The following SUMF1 variants were observed in gnomAD, a reference collection of about 807,000 sequenced individuals.
SUMF1 encodes the protein formylglycine-generating enzyme.
SUMF1 carries 48 observed loss-of-function variants against 47.6 expected under a neutral mutation model. The observed-to-expected ratio is 1.01, with a 90% CI of 0.80 to 1.28. The LOEUF (loss-of-function observed/expected upper bound fraction) is 1.28. Among genes scored for constraint, SUMF1 ranks in the 50% most tolerant of loss-of-function variants. SUMF1 has a pLI of 0.00. For missense variants in SUMF1, 571 were observed against 485.4 expected (o/e 1.18, Z -1.66); for synonymous variants, 230 against 192.1 (o/e 1.20, Z -1.63).
At chr3:4,408,918 C>T (rs1471855292) in intron 7 of SUMF1, among the ~76,000 whole-genome samples, 5 of 151,618 alleles carry the variant, frequency 3.3e-5, no homozygotes, top group African/African-American at 7.3e-5. Context: ...GCTGAGATCA[C>T]GCCACTGCAC....
chr3:4,362,070 T>A lies in SUMF1; in HGVS notation c.*74A>T. The A allele has an allele frequency of 7.0e-7, 1 of 1,437,838 alleles. No homozygotes were observed. Among genetic ancestry groups the A allele is most frequent in the African/African-American group, 1.4e-5 (1 of 71,092 alleles). 89.1% of individuals were successfully genotyped at this position (1,437,838 alleles called of 1,614,324 possible). On this transcript the variant is annotated 3_prime_UTR_variant, in exon 9 of 9. Coordinates refer to ENST00000272902, the MANE Select transcript of SUMF1 (RefSeq NM_182760.4). ...GTGGGAATTCTTTGCATGGGATCGT[T>A]CAAAGTTCTGAGAAAAGCCCAATGT...
At chr3:4,095,429 G>C (rs1395335594) in intron 8 of SUMF1, among the ~76,000 whole-genome samples, 2 of 152,018 alleles carry the variant, frequency 1.3e-5, no homozygotes, top group African/African-American at 2.4e-5. Context: ...GAATGAGATT[G>C]ATGATAGAAT....
intron 8 of SUMF1, among the ~76,000 whole-genome samples, chr3:4,287,549 C>T (rs1008874042): frequency 5.3e-5 from 8 of 152,102 alleles, no homozygotes; most frequent in Non-Finnish European, 1.2e-4. Flanking sequence ...CTGGTATTTG[C>T]TTAGTATTAC....
intron 8 of SUMF1, among the ~76,000 whole-genome samples, chr3:4,214,609 A>T (rs1352024595): frequency 6.6e-6 from 1 of 152,202 alleles, no homozygotes; most frequent in African/African-American, 2.4e-5. Flanking sequence ...AAAATCAATG[A>T]ACCCAGGAGC....
chr3:4,074,947 C>A (rs1692385632), intron 8 of SUMF1, among the ~76,000 whole-genome samples: 1 of 152,086 alleles, frequency 6.6e-6, no homozygotes, highest in Admixed American at 6.5e-5. Flanking sequence ...CCTTCTGAAA[C>A]TATTCCAATG....
intron 8 of SUMF1, among the ~76,000 whole-genome samples, chr3:4,152,434 C>T (rs1170679729): frequency 6.6e-6 from 1 of 151,170 alleles, no homozygotes; most frequent in African/African-American, 2.5e-5. Context: ...ACTACAGGCA[C>T]AGGCCCCAAC....
At chr3:4,188,935 C>G (rs1213734490) in intron 8 of SUMF1, among the ~76,000 whole-genome samples, 1 of 152,030 alleles carries the variant, frequency 6.6e-6, no homozygotes, top group Non-Finnish European at 1.5e-5. Context: ...TAGTTATTAG[C>G]TATTGTTATT....
At chr3:4,126,889 TA>T (rs1314880995) in intron 8 of SUMF1, among the ~76,000 whole-genome samples, 1 of 152,138 alleles carries the variant, frequency 6.6e-6, no homozygotes, top group African/African-American at 2.4e-5. Flanking sequence ...TACTCAAACT[TA>T]AATCTCTAAT....
At chr3:4,134,125 A>C (rs898243057) in intron 8 of SUMF1, among the ~76,000 whole-genome samples, 2 of 152,134 alleles carry the variant, frequency 1.3e-5, no homozygotes, top group African/African-American at 4.8e-5. Context: ...GACCTAATAG[A>C]CATCTACAGA....
chr3:4,425,634 C>T (rs1366217392), intron 3 of SUMF1, among the ~76,000 whole-genome samples: 1 of 151,992 alleles, frequency 6.6e-6, no homozygotes, highest in African/African-American at 2.4e-5. Flanking sequence ...GTACCATCTT[C>T]CATCACAGTC....
At chr3:4,434,196 T>C (rs1251326625) in intron 3 of SUMF1, among the ~76,000 whole-genome samples, 1 of 152,068 alleles carries the variant, frequency 6.6e-6, no homozygotes, top group African/African-American at 2.4e-5. Flanking sequence ...ATGCATAATG[T>C]TGATGGTTGT....
chr3:4,203,381 T>C (rs1340105037), intron 8 of SUMF1, among the ~76,000 whole-genome samples: 1 of 152,052 alleles, frequency 6.6e-6, no homozygotes, highest in Non-Finnish European at 1.5e-5. Context: ...AAATCCATTT[T>C]ATGTAATATA....
intron 1 of SUMF1, among the ~76,000 whole-genome samples, chr3:4,464,429 TGTGA>T (rs990979589): frequency 3.3e-5 from 5 of 151,888 alleles, no homozygotes; most frequent in Non-Finnish European, 5.9e-5. Flanking sequence ...TGTGTGTGTG[TGTGA>T]GAGAGAGAGA....
intron 8 of SUMF1, among the ~76,000 whole-genome samples, chr3:4,321,014 A>T (rs555222771): frequency 1.3e-5 from 2 of 152,276 alleles, no homozygotes; most frequent in South Asian, 4.1e-4. Flanking sequence ...TTCTGATATT[A>T]ACAACTCTGC....
At chr3:4,436,881 CAAAAAAA>C (rs11410677) in intron 3 of SUMF1, among the ~76,000 whole-genome samples, 2 of 144,046 alleles carry the variant, frequency 1.4e-5, no homozygotes, top group Non-Finnish European at 3.0e-5. Flanking sequence ...AAACAAAAAA[CAAAAAAA>C]ACCCAACTGA....
At chr3:4,379,491 G>T (rs1700431505) in intron 7 of SUMF1, among the ~76,000 whole-genome samples, 1 of 152,196 alleles carries the variant, frequency 6.6e-6, no homozygotes. Flanking sequence ...TCCAGATGGG[G>T]TGTGGCACAG....
intron 7 of SUMF1, among the ~76,000 whole-genome samples, chr3:4,380,852 C>G (rs1700481277): frequency 6.6e-6 from 1 of 152,196 alleles, no homozygotes; most frequent in South Asian, 2.1e-4. Flanking sequence ...AGAAGCAACA[C>G]TCAGCATTAG....
intron 8 of SUMF1, among the ~76,000 whole-genome samples, chr3:4,173,823 G>A (rs991676445): frequency 1.3e-5 from 2 of 152,100 alleles, no homozygotes; most frequent in South Asian, 4.1e-4. Flanking sequence ...AGTGGGAGTT[G>A]AACAATAAGA....
At chr3:4,166,798 T>C (rs1215188634) in intron 8 of SUMF1, among the ~76,000 whole-genome samples, 1 of 152,064 alleles carries the variant, frequency 6.6e-6, no homozygotes, top group African/African-American at 2.4e-5. Context: ...CTTCCCTCTC[T>C]GTTGACCCTC....
Sources: gnomAD v4.1 joint callset for allele counts (sites outside exome capture counted in the v4.1 genomes callset) on GRCh38, gnomAD v4.1.1 for gene constraint, MANE v1.5 for transcripts, NCBI Gene and HGNC (gene_info 2026-07-23, HGNC 2026-07-21) for gene names.